BCO2: variants seen among roughly 807,000 people sequenced by gnomAD.
The protein encoded by BCO2 is carotenoid-cleaving dioxygenase, mitochondrial.
Under a neutral mutation model 65.8 loss-of-function variants are expected in BCO2, and 56 were observed. That is an observed-to-expected ratio of 0.85 (90% confidence interval 0.69 to 1.06). The LOEUF (loss-of-function observed/expected upper bound fraction) is 1.06, where lower values mean the gene tolerates loss of function less well. BCO2 is among the 50% of genes least tolerant of loss of function. BCO2 has a pLI of 0.00. For missense variants in BCO2, 675 were observed against 698.5 expected, an observed-to-expected ratio of 0.97 and a Z score of 0.38; for synonymous variants, 233 against 242.3, an observed-to-expected ratio of 0.96 and a Z score of 0.36.
At chr11:112,206,309 G>T (rs184105254) in intron 8 of BCO2, among the ~76,000 whole-genome samples, 1 of 146,510 alleles carries the variant, frequency 6.8e-6, no homozygotes, top group Non-Finnish European at 1.5e-5. Context: ...CTCCTGGGGC[G>T]GCAGGGGCGG....
chr11:112,198,576 TA>T (rs1344282114), intron 5 of BCO2, among the ~76,000 whole-genome samples: 1 of 152,004 alleles, frequency 6.6e-6, no homozygotes, highest in Non-Finnish European at 1.5e-5. Flanking sequence ...GGACATACAA[TA>T]GGGGCACCAA....
chr11:112,203,621 T>C (rs1475441637), intron 8 of BCO2, among the ~76,000 whole-genome samples: 1 of 152,230 alleles, frequency 6.6e-6, no homozygotes, highest in Non-Finnish European at 1.5e-5. Context: ...AATCTACTTG[T>C]TTAACAAAAA....
chr11:112,184,039 G>A (rs567845937), intron 2 of BCO2, among the ~76,000 whole-genome samples: 2 of 152,228 alleles, frequency 1.3e-5, no homozygotes, highest in South Asian at 4.1e-4. Context: ...ATCATCACAA[G>A]CATAGGAAGA....
At chr11:112,202,822 G>A (rs1297464505) in intron 8 of BCO2, among the ~76,000 whole-genome samples, 1 of 152,090 alleles carries the variant, frequency 6.6e-6, no homozygotes, top group Non-Finnish European at 1.5e-5. Context: ...GAGGCAGGCA[G>A]ATCACTTGAG....
Position 112,214,861 on chromosome 11 carries a change from TATC to T in BCO2, c.1435_1437del (p.His479del). On this transcript the variant is annotated inframe_deletion, in exon 10 of 12. Coordinates refer to ENST00000357685, the MANE Select transcript of BCO2 (RefSeq NM_031938.7). ...CTATGATCGATTCAGTGGCAAAAAGTATCATTTCTTTTATGGCTGTGGCTTTCG... is the reference window on the plus strand; with the variant it reads ...CTATGATCGATTCAGTGGCAAAAAGTATTTCTTTTATGGCTGTGGCTTTCG... The T allele has an allele frequency of 6.2e-7, 1 of 1,614,116 alleles. No individual in the cohort carries two copies. The highest frequency in any genetic ancestry group is 8.5e-7 in the Non-Finnish European group (1 of 1,179,960).
intron 6 of BCO2, 110 bp downstream of exon 6, chr11:112,199,937 ATGAG>A: frequency 2.2e-6 from 3 of 1,347,896 alleles, no homozygotes; most frequent in Non-Finnish European, 3.1e-6. Flanking sequence ...TATGGTGATA[ATGAG>A]ACCAAGGTTG....
At position 112,218,043 on chromosome 11, in the gene BCO2, G is replaced by A. The variant is rs2455; in HGVS notation, c.*169G>A. The A allele has an allele frequency of 0.026, 14,196 of 547,414 alleles. 875 individuals carry two copies. Among genetic ancestry groups the A allele is most frequent in the African/African-American group, 0.18 (9,258 of 52,856 alleles). 33.9% of individuals were successfully genotyped at this position (547,414 alleles called of 1,614,324 possible). On this transcript the variant is annotated 3_prime_UTR_variant, in exon 12 of 12. Transcript: ENST00000357685. ...TGTTCCCTATTTGGGTGATGGGTTC[G>A]TTAGAAGTCCAAACCTCAGCAGCAC...
chr11:112,182,784 A>T, intron 2 of BCO2: 2 of 611,710 alleles, frequency 3.3e-6, no homozygotes, highest in Non-Finnish European at 5.7e-6. Context: ...GCACACCAAC[A>T]TGGCACATGT....
chr11:112,176,528 G>GGGGGA (rs71060227), intron 1 of BCO2: 2 of 81,204 alleles, frequency 2.5e-5, no homozygotes, highest in Admixed American at 1.4e-4. Flanking sequence ...GGGGGGGGGG[G>GGGGGA]AATTAAACAT....
intron 2 of BCO2, chr11:112,183,019 C>G: frequency 1.8e-6 from 2 of 1,108,502 alleles, no homozygotes; most frequent in Non-Finnish European, 2.8e-6. Flanking sequence ...TTAAAAAATG[C>G]AAAGTTGAAG....
Position 112,199,154 on chromosome 11 carries a change from A to G in BCO2, c.737-545A>G, listed in dbSNP as rs890696013. Among the ~76,000 whole-genome samples the G allele has an allele frequency of 1.3e-4, 19 of 151,658 alleles. No homozygotes were observed. The South Asian group carries it at 1.5e-3, about 12-fold the overall frequency. On this transcript the variant is annotated intron_variant, in intron 5 of 11. Coordinates refer to ENST00000357685, the MANE Select transcript of BCO2 (RefSeq NM_031938.7). ...CCCTGGTGTGTGACGTTCTCCTCCC[A>G]GTGTCCATGTGTTCTCATTGTTCAA...
Position 112,179,580 on chromosome 11 carries a change from C to T in BCO2, c.293+98C>T, listed in dbSNP as rs908681189. On this transcript the variant is annotated intron_variant, in intron 2 of 11. Coordinates refer to ENST00000357685, the MANE Select transcript of BCO2 (RefSeq NM_031938.7). ...TGCTTCCTCTGTGAGGTTAATATTT[C>T]CATTCCATCCCTTTGATTACAGATA... 9 of 1,073,938 alleles carry T rather than the reference C, an allele frequency of 8.4e-6. No individual in the cohort carries two copies. In the African/African-American group the frequency reaches 1.4e-4, roughly 17 times the overall value. 66.5% of individuals were successfully genotyped at this position (1,073,938 alleles called of 1,614,324 possible). A position where few individuals can be genotyped will look rare whatever the true frequency, so the allele number is the denominator to read the frequency against.
intron 8 of BCO2, among the ~76,000 whole-genome samples, chr11:112,211,114 C>G (rs963129200): frequency 2.6e-5 from 4 of 152,118 alleles, no homozygotes; most frequent in Non-Finnish European, 4.4e-5. Context: ...CTGTTCCCCC[C>G]ACCTCCAGTC....
At chr11:112,180,739 G>C in intron 2 of BCO2, 2 of 830,482 alleles carry the variant, frequency 2.4e-6, no homozygotes, top group Non-Finnish European at 4.3e-6. Context: ...GTGGGAGGGT[G>C]GTGGCCCACT....
chr11:112,179,582 A>G, intron 2 of BCO2, 100 bp downstream of exon 2: 5 of 1,080,278 alleles, frequency 4.6e-6, no homozygotes, highest in Non-Finnish European at 6.9e-6. Flanking sequence ...TAATATTTCC[A>G]TTCCATCCCT....
At chr11:112,203,733 C>T (rs1446014681) in intron 8 of BCO2, among the ~76,000 whole-genome samples, 1 of 152,204 alleles carries the variant, frequency 6.6e-6, no homozygotes, top group African/African-American at 2.4e-5. Flanking sequence ...ATCCTTTGAG[C>T]TACATCTTGT....
Position 112,175,559 on chromosome 11 carries a change from G to T in BCO2, c.-43G>T. 1 of 1,460,920 alleles carries T rather than the reference G, an allele frequency of 6.8e-7. No homozygotes were observed. The highest frequency in any genetic ancestry group is 9.6e-7 in the Non-Finnish European group (1 of 1,040,740). 90.5% of individuals were successfully genotyped at this position (1,460,920 alleles called of 1,614,324 possible). Reference sequence around the variant, plus strand: ...TGTTTAGTAGTACTCAAAACTGCCAGTGTGAGAGGATTTGGAAATCACTGG... The same window carrying T: ...TGTTTAGTAGTACTCAAAACTGCCATTGTGAGAGGATTTGGAAATCACTGG... On this transcript the variant is annotated 5_prime_UTR_variant, in exon 1 of 12. Coordinates refer to ENST00000357685, the MANE Select transcript of BCO2 (RefSeq NM_031938.7).
intron 8 of BCO2, among the ~76,000 whole-genome samples, chr11:112,207,170 G>C (rs556064724): frequency 2.0e-5 from 3 of 151,946 alleles, no homozygotes; most frequent in Admixed American, 6.6e-5. Context: ...TCTTTTTCTC[G>C]CCTTACTGTA....
intron 9 of BCO2, among the ~76,000 whole-genome samples, chr11:112,214,489 C>G (rs1859600265): frequency 6.6e-6 from 1 of 152,254 alleles, no homozygotes; most frequent in Admixed American, 6.5e-5. Context: ...TAGCACAGAC[C>G]TATCATTGTG....
Sources: allele counts gnomAD v4.1 joint callset (sites outside exome capture counted in the v4.1 genomes callset), GRCh38; gene constraint gnomAD v4.1.1; transcripts MANE v1.5; gene names NCBI Gene and HGNC (gene_info 2026-07-23, HGNC 2026-07-21).